Variants in SPRYD7 observed in about 807,000 individuals in gnomAD.
SPRYD7 encodes the protein SPRY domain containing 7.
SPRYD7 carries 14 observed loss-of-function variants against 23.8 expected under a neutral mutation model. That is an observed-to-expected ratio of 0.59 (90% CI 0.39 to 0.92). The LOEUF is 0.92. Ranked by LOEUF, SPRYD7 falls within the 40% of genes least tolerant of loss-of-function variation. SPRYD7 has a pLI of 0.00. For synonymous variants in SPRYD7, 75 were observed against 84.9 expected, an observed-to-expected ratio of 0.88 and a Z score of 0.64; for missense variants, 194 against 241.7, an observed-to-expected ratio of 0.80 and a Z score of 1.31.
intron 3 of SPRYD7, among the ~76,000 whole-genome samples, chr13:49,927,256 A>T (rs1477985035): frequency 2.6e-5 from 4 of 152,148 alleles, no homozygotes; most frequent in African/African-American, 9.7e-5. Context: ...GCACTTTGGG[A>T]GGCCGAGGCA....
At chr13:49,924,325 G>C (rs907747357) in intron 3 of SPRYD7, among the ~76,000 whole-genome samples, 1 of 152,048 alleles carries the variant, frequency 6.6e-6, no homozygotes, top group Non-Finnish European at 1.5e-5. Context: ...AGGTTGGGTG[G>C]AGTGCAGCGG....
At chr13:49,921,388 A>G (rs1955818268) in intron 4 of SPRYD7, 90 bp downstream of exon 4, 5 of 812,282 alleles carry the variant, frequency 6.2e-6, no homozygotes, top group Non-Finnish European at 1.0e-5. Flanking sequence ...AGTCTTGGGT[A>G]TGTCTTTATA....
chr13:49,924,925 G>C (rs536421097), intron 3 of SPRYD7, among the ~76,000 whole-genome samples: 1 of 149,320 alleles, frequency 6.7e-6, no homozygotes, highest in Non-Finnish European at 1.5e-5. Flanking sequence ...GCAGTAAGCC[G>C]AGACTGCATC....
chr13:49,926,794 T>G (rs913452914), intron 3 of SPRYD7, among the ~76,000 whole-genome samples: 1 of 152,168 alleles, frequency 6.6e-6, no homozygotes, highest in African/African-American at 2.4e-5. Flanking sequence ...CAACTTGATA[T>G]CAGAATTGAG....
chr13:49,929,111 C>G (rs763144497), intron 2 of SPRYD7, among the ~76,000 whole-genome samples: 1 of 152,142 alleles, frequency 6.6e-6, no homozygotes, highest in Admixed American at 6.5e-5. Flanking sequence ...GCTGGAATTA[C>G]AGGTGTAAGC....
intron 3 of SPRYD7, 127 bp downstream of exon 3, chr13:49,927,792 C>A (rs1955898923): frequency 1.1e-6 from 1 of 936,854 alleles, no homozygotes; most frequent in East Asian, 2.5e-5. Flanking sequence ...GAAAATGCAC[C>A]ATCTCATTAG....
Position 49,913,365 on chromosome 13 carries a change from A to G in SPRYD7, c.*1698T>C, listed in dbSNP as rs958780553. The G allele has an allele frequency of 2.0e-5, 3 of 150,070 alleles. No individual in the cohort carries two copies. The highest frequency in any genetic ancestry group is 4.4e-5 in the Non-Finnish European group (3 of 67,676). 9.3% of individuals were successfully genotyped at this position (150,070 alleles called of 1,614,324 possible). A position where few individuals can be genotyped will look rare whatever the true frequency, so the allele number is the denominator to read the frequency against. On this transcript the variant is annotated 3_prime_UTR_variant, in exon 5 of 5. Coordinates refer to ENST00000361840, the MANE Select transcript of SPRYD7 (RefSeq NM_020456.4). ...AACCTGGGAAGCAGAGGTTGCAGTG[A>G]GCCAAGATCGTGCCACTGCACTCTA...
At chr13:49,917,717 T>A (rs1341623889) in intron 4 of SPRYD7, among the ~76,000 whole-genome samples, 1 of 152,228 alleles carries the variant, frequency 6.6e-6, no homozygotes, top group Non-Finnish European at 1.5e-5. Flanking sequence ...TACAGTTAAC[T>A]TGTATAACTG....
chr13:49,920,629 G>A (rs1441056068), intron 4 of SPRYD7, among the ~76,000 whole-genome samples: 3 of 152,186 alleles, frequency 2.0e-5, no homozygotes, highest in South Asian at 2.1e-4. Flanking sequence ...ATCCTGCAAA[G>A]TGGGATTGTA....
chr13:49,916,567 T>C (rs1196728626), intron 4 of SPRYD7, among the ~76,000 whole-genome samples: 1 of 147,378 alleles, frequency 6.8e-6, no homozygotes, highest in Non-Finnish European at 1.5e-5. Flanking sequence ...AGTTTACCTG[T>C]GTAACAAACC....
intron 2 of SPRYD7, among the ~76,000 whole-genome samples, chr13:49,930,707 G>A (rs1338075721): frequency 6.6e-5 from 10 of 152,078 alleles, no homozygotes; most frequent in Non-Finnish European, 8.8e-5. Context: ...GGGTTCATCC[G>A]GATCCCATTA....
At chr13:49,923,290 C>T (rs1234014362) in intron 3 of SPRYD7, among the ~76,000 whole-genome samples, 1 of 151,956 alleles carries the variant, frequency 6.6e-6, no homozygotes, top group Admixed American at 6.6e-5. Flanking sequence ...GTCACCCAGG[C>T]TGTAGTGCAA....
rs1245589205 is a variant in SPRYD7, at chr13:49,912,962, C to A, written c.*2101G>T. 1 of 152,096 alleles carries A rather than the reference C, an allele frequency of 6.6e-6. No individual in the cohort carries two copies. The highest frequency in any genetic ancestry group is 1.5e-5 in the Non-Finnish European group (1 of 68,018). The allele number at this position is 152,096 out of a possible 1,614,324, so 9.4% of individuals were successfully genotyped here. A position where few individuals can be genotyped will look rare whatever the true frequency, so the allele number is the denominator to read the frequency against. On this transcript the variant is annotated 3_prime_UTR_variant, in exon 5 of 5. Transcript: ENST00000361840. Reference sequence around the variant, plus strand: ...TGCAGGATTCTCTGAGCCTATGGGTCAAAAATAGCCCATCATAAATCCTTA... The same window carrying A: ...TGCAGGATTCTCTGAGCCTATGGGTAAAAAATAGCCCATCATAAATCCTTA...
In SPRYD7 at chr13:49,915,135, G is replaced by A; in HGVS notation, c.519C>T (p.Cys173=). Residue 173 remains cysteine (C), a synonymous_variant, in exon 5 of 5, where the codon TGC becomes TGT. Transcript: ENST00000361840. ...VYVDDSAILD[C]QFSEFYHTPP... Reference sequence around the variant, plus strand: ...GCGTATGATAAAACTCACTGAACTGGCAATCCAAAATTGCACTGTCATCAA... The same window carrying A: ...GCGTATGATAAAACTCACTGAACTGACAATCCAAAATTGCACTGTCATCAA... 4 of 1,565,434 alleles carry A rather than the reference G, an allele frequency of 2.6e-6. No individual in the cohort carries two copies. The highest frequency in any genetic ancestry group is 2.3e-5 in the East Asian group (1 of 42,852).
chr13:49,922,671 T>C (rs1594512242), intron 3 of SPRYD7, among the ~76,000 whole-genome samples: 1 of 152,258 alleles, frequency 6.6e-6, no homozygotes, highest in South Asian at 2.1e-4. Flanking sequence ...AGCTACTAAC[T>C]GATAACAAAA....
Position 49,913,758 on chromosome 13 carries a change from C to T in SPRYD7, c.*1305G>A, listed in dbSNP as rs1247539233. Reference sequence around the variant, plus strand: ...AGCCACGATGGTCTCGATCTCCTGACCTTGTGATCCTCCCGCCTCAGCCTC... The same window carrying T: ...AGCCACGATGGTCTCGATCTCCTGATCTTGTGATCCTCCCGCCTCAGCCTC... On this transcript the variant is annotated 3_prime_UTR_variant, in exon 5 of 5. Coordinates refer to ENST00000361840, the MANE Select transcript of SPRYD7 (RefSeq NM_020456.4). 6.6e-6 allele frequency: 1 copy of T among 152,122 alleles called. No homozygotes were observed. The highest frequency in any genetic ancestry group is 1.9e-4 in the East Asian group (1 of 5,156). 9.4% of individuals were successfully genotyped at this position (152,122 alleles called of 1,614,324 possible).
At chr13:49,926,751 A>G (rs1292042981) in intron 3 of SPRYD7, among the ~76,000 whole-genome samples, 1 of 152,210 alleles carries the variant, frequency 6.6e-6, no homozygotes, top group Non-Finnish European at 1.5e-5. Context: ...TCATCTTATT[A>G]GAATCCTTCT....
At chr13:49,936,088 GC>G (rs771593128) in intron 1 of SPRYD7, 41 bp downstream of exon 1, 11 of 1,442,218 alleles carry the variant, frequency 7.6e-6, no homozygotes, top group South Asian at 3.9e-5. Flanking sequence ...GCCGCGCCCG[GC>G]CCCCGTGAGC....
rs113983950 is a variant in SPRYD7 at position 49,919,316 on chromosome 13, C to T, written c.493+2162G>A. Among the ~76,000 whole-genome samples the T allele has an allele frequency of 2.5e-4, 38 of 151,838 alleles. No individual in the cohort carries two copies. In the East Asian group the frequency reaches 5.7e-3, roughly 23 times the overall value. ...ATCCCAGCACTTTGGAAGGCCGAGG[C>T]GGGCAGAACAGAAGGTCAAGAGATC... On this transcript the variant is annotated intron_variant, in intron 4 of 4. Coordinates refer to ENST00000361840, the MANE Select transcript of SPRYD7 (RefSeq NM_020456.4).
Sources: gnomAD v4.1 joint callset for allele counts (sites outside exome capture counted in the v4.1 genomes callset) on GRCh38, gnomAD v4.1.1 for gene constraint, MANE v1.5 for transcripts, NCBI Gene and HGNC (gene_info 2026-07-23, HGNC 2026-07-21) for gene names.